Variants in RYR1 observed in about 807,000 individuals in gnomAD.
RYR1 encodes central core disease of muscle.
RYR1 carries 342 observed loss-of-function variants against 583.5 expected under a neutral mutation model. That is an observed-to-expected ratio of 0.59 (90% confidence interval 0.54 to 0.64). The LOEUF is 0.64. Ranked by LOEUF, RYR1 falls within the 30% of genes least tolerant of loss-of-function variation. RYR1 has a pLI of 0.00. For synonymous variants in RYR1, 2,791 were observed against 2,822.5 expected (o/e 0.99, Z 0.35); for missense variants, 6,032 against 6,917.2 (o/e 0.87, Z 4.54).
chr19:38,462,985 C>T (rs1967846018), intron 20 of RYR1, among the ~76,000 whole-genome samples: 1 of 145,720 alleles, frequency 6.9e-6, no homozygotes. Flanking sequence ...CAACCTCTGC[C>T]TCCAGAGTTC....
At chr19:38,550,320 A>G (rs894172897) in intron 89 of RYR1, among the ~76,000 whole-genome samples, 2 of 152,000 alleles carry the variant, frequency 1.3e-5, no homozygotes, top group African/African-American at 4.8e-5. Context: ...GTCTGTCTTT[A>G]TCTTTCCTGA....
chr19:38,548,279 C>T lies in RYR1; in HGVS notation c.12141C>T (p.Leu4047=), dbSNP rs1303442736. Residue 4047 remains leucine (L), a synonymous_variant, in exon 89 of 106, where the codon CTC becomes CTT. Transcript: ENST00000359596. ...GMIARQMVDM[L]VESSSNVEMI... The stretch of plus-strand genomic sequence containing the variant: ...TCGCCCGGCAGATGGTGGACATGCT[C>T]GTGGAATCCTCATCCAATGTGGAGA... 8 of 1,614,176 alleles carry T rather than the reference C, an allele frequency of 5.0e-6. No individual in the cohort carries two copies. The highest frequency in any genetic ancestry group is 3.3e-5 in the South Asian group (3 of 91,082).
intron 7 of RYR1, among the ~76,000 whole-genome samples, chr19:38,445,714 C>T (rs1290259089): frequency 6.6e-6 from 1 of 152,166 alleles, no homozygotes; most frequent in East Asian, 1.9e-4. Flanking sequence ...CAAGGCCAAG[C>T]GCGGTGGCTC....
At chr19:38,502,814 A>AGGGGCAGGGGGAGGGGGAGGG (rs1568506888) in intron 48 of RYR1, 66 bp from the exon 49 acceptor site, 5 of 691,640 alleles carry the variant, frequency 7.2e-6, no homozygotes, top group Non-Finnish European at 3.9e-6. Flanking sequence ...CAGGGGGAGG[A>AGGGGCAGGGGGAGGGGGAGGG]GCAGGGGCAG....
intron 29 of RYR1, among the ~76,000 whole-genome samples, chr19:38,476,570 T>C (rs1020217624): frequency 1.3e-5 from 2 of 152,186 alleles, no homozygotes; most frequent in African/African-American, 4.8e-5. Flanking sequence ...CGACCTCAAA[T>C]GATCCTACTG....
chr19:38,462,134 A>C (rs1003165746), intron 20 of RYR1, among the ~76,000 whole-genome samples: 13 of 152,164 alleles, frequency 8.5e-5, no homozygotes, highest in African/African-American at 3.1e-4. Flanking sequence ...GTTAGGTTTA[A>C]AAGCCTGACA....
intron 38 of RYR1, among the ~76,000 whole-genome samples, chr19:38,493,917 G>T (rs1969677537): frequency 6.6e-6 from 1 of 152,146 alleles, no homozygotes; most frequent in Non-Finnish European, 1.5e-5. Flanking sequence ...TCTTGCAGTT[G>T]TACAGTTTAT....
At chr19:38,584,250 C>T (rs1244450654) in intron 101 of RYR1, among the ~76,000 whole-genome samples, 4 of 150,074 alleles carry the variant, frequency 2.7e-5, no homozygotes, top group South Asian at 2.1e-4. Flanking sequence ...CGCCCTCACC[C>T]TTCTGCCTGT....
In RYR1 at chr19:38,469,126, T is replaced by C; in HGVS notation, c.3542T>C (p.Ile1181Thr). The C allele has an allele frequency of 6.2e-7, 1 of 1,614,110 alleles. No homozygotes were observed. Among genetic ancestry groups the C allele is most frequent in the African/African-American group, 1.3e-5 (1 of 75,038 alleles). Residue 1181 changes from isoleucine (I) to threonine (T), a missense_variant, in exon 26 of 106, where the codon ATT (isoleucine) becomes ACT (threonine). This residue lies in a region of RYR1 where 2,627 missense variants were observed against 2,961.3 expected (regional missense o/e 0.89). Transcript: ENST00000359596. Reference protein sequence around the residue: ...DSGSETAFREIEIGDGFLPVC... With the variant: ...DSGSETAFRETEIGDGFLPVC... ...GGCTCCGAAACAGCCTTCCGGGAGA[T>C]TGAGATTGGGGACGGTGAGGGCTGA...
Position 38,543,305 on chromosome 19 carries a change from G to A in RYR1, c.11690-42G>A. 6.5e-7 allele frequency: 1 copy of A among 1,545,746 alleles called. No individual in the cohort carries two copies. The stretch of plus-strand genomic sequence containing the variant: ...AATGACCCACTGTTCATCTCCCCTA[G>A]CACATGGGAGGTGCTGGATAAATGA... On this transcript the variant is annotated intron_variant, in intron 84 of 105. Transcript: ENST00000359596. This position sits in a 1 kb window ranked among gnomAD's most constrained non-coding sequence, Gnocchi z 4.4.
intron 69 of RYR1, among the ~76,000 whole-genome samples, 153 bp from the exon 70 acceptor site, chr19:38,523,762 C>T (rs1403003841): frequency 1.3e-5 from 2 of 152,046 alleles, no homozygotes; most frequent in African/African-American, 4.8e-5. Context: ...GAACGACCCC[C>T]CACCCCGAGC....
chr19:38,515,639 AT>A lies in RYR1; in HGVS notation c.9555-440del, dbSNP rs370981037. On this transcript the variant is annotated intron_variant, in intron 64 of 105. Transcript: ENST00000359596. ...TGAGACTCCATCTCTACAAAAAAAAATTTTTTTTAATTAGCCTGGTGTGGTG... is the reference window on the plus strand; with the variant it reads ...TGAGACTCCATCTCTACAAAAAAAAATTTTTTTAATTAGCCTGGTGTGGTG... Among the ~76,000 whole-genome samples, 673 of 152,056 alleles carry A rather than the reference AT, an allele frequency of 4.4e-3. 6 individuals carry two copies. Among genetic ancestry groups the A allele is most frequent in the African/African-American group, 0.016 (657 of 41,480 alleles).
chr19:38,564,016 C>G (rs1973271480), intron 90 of RYR1, among the ~76,000 whole-genome samples: 1 of 152,228 alleles, frequency 6.6e-6, no homozygotes, highest in Admixed American at 6.5e-5. Context: ...CTTATTGAAG[C>G]ATTTACAGGA....
Position 38,574,904 on chromosome 19 carries a change from G to A in RYR1, c.14130-1015G>A, listed in dbSNP as rs149151003. Among the ~76,000 whole-genome samples, 184 of 152,034 alleles carry A rather than the reference G, an allele frequency of 1.2e-3. 3 individuals carry two copies. Among genetic ancestry groups the A allele is most frequent in the Admixed American group, 0.011 (161 of 15,240 alleles). ...AATACAAAAAAATTAGCTGGGCGTG[G>A]CAGTGGGTGCCTGTAGTCACAGCTA... On this transcript the variant is annotated intron_variant, in intron 96 of 105. Transcript: ENST00000359596.
rs770137774 is a variant in RYR1 at position 38,512,208 on chromosome 19, C to T, written c.9234-37C>T. The T allele has an allele frequency of 1.7e-5, 28 of 1,613,970 alleles. No homozygotes were observed. In the East Asian group the frequency reaches 3.3e-4, roughly 19 times the overall value. ...CCAACCCCTGGTCTCCTAGACTCTCCGATTCCAGAGCTGATGTTCCCCCGC... is the reference window on the plus strand; with the variant it reads ...CCAACCCCTGGTCTCCTAGACTCTCTGATTCCAGAGCTGATGTTCCCCCGC... On this transcript the variant is annotated intron_variant, in intron 62 of 105. Transcript: ENST00000359596. The surrounding 1 kb of genome is among the most constrained non-coding windows in gnomAD (Gnocchi z 5.1).
At chr19:38,552,465 G>A (rs527586827) in intron 89 of RYR1, among the ~76,000 whole-genome samples, 1 of 152,112 alleles carries the variant, frequency 6.6e-6, no homozygotes, top group South Asian at 2.1e-4. Context: ...GTTGGCCAAG[G>A]TGGTCTCGAT....
intron 99 of RYR1, 147 bp from the exon 100 acceptor site, chr19:38,579,835 G>A (rs551997270): frequency 1.9e-5 from 19 of 984,108 alleles, no homozygotes; most frequent in African/African-American, 3.2e-5. Context: ...CTTCTCACCC[G>A]GAATGCCCTG....
Position 38,587,444 on chromosome 19 carries a change from C to A in RYR1, c.*24C>A. On this transcript the variant is annotated 3_prime_UTR_variant, in exon 106 of 106. Coordinates refer to ENST00000359596, the MANE Select transcript of RYR1 (RefSeq NM_000540.3). ...GACACACCCCCAGCTGGCCCTCCAC[C>A]CCCACCTCAAGTGCCTTATTCTCAC... 6.4e-7 allele frequency: 1 copy of A among 1,572,916 alleles called. No homozygotes were observed. Among genetic ancestry groups the A allele is most frequent in the Non-Finnish European group, 8.7e-7 (1 of 1,142,886 alleles).
intron 102 of RYR1, among the ~76,000 whole-genome samples, chr19:38,585,369 GATATAT>G (rs3039200): frequency 7.8e-5 from 11 of 141,066 alleles, no homozygotes; most frequent in African/African-American, 2.9e-4. Flanking sequence ...AAAGGCCTGA[GATATAT>G]ATATATATAT....
Sources: gnomAD v4.1 joint callset for allele counts (sites outside exome capture counted in the v4.1 genomes callset) on GRCh38, gnomAD v4.1.1 for gene constraint, gnomAD v4.1.1 regional missense constraint, Gnocchi (gnomAD v3.1) non-coding constraint, MANE v1.5 for transcripts, NCBI Gene and HGNC (gene_info 2026-07-23, HGNC 2026-07-21) for gene names.